DENND1A: variants seen among roughly 807,000 people sequenced by gnomAD.
DENND1A encodes DENN domain containing 1A.
DENND1A carries 51 observed loss-of-function variants against 113.7 expected under a neutral mutation model. The observed-to-expected ratio is 0.45, with a 90% CI of 0.36 to 0.57. The LOEUF (loss-of-function observed/expected upper bound fraction) is 0.57, where lower values mean the gene tolerates loss of function less well. DENND1A is among the 20% of genes least tolerant of loss of function. The probability of loss-of-function intolerance (pLI) is 0.00; values close to 1 mark genes in which losing one functional copy is unlikely to be tolerated. For synonymous variants in DENND1A, 565 were observed against 570.8 expected (o/e 0.99, Z 0.14); for missense variants, 1,258 against 1,395.9 (o/e 0.90, Z 1.57).
chr9:123,757,952 C>T, intron 4 of DENND1A, 130 bp from the exon 5 acceptor site: 2 of 597,224 alleles, frequency 3.3e-6, no homozygotes, highest in Non-Finnish European at 4.8e-6. Flanking sequence ...TTACACATTT[C>T]AAGGGAACAG....
At chr9:123,610,302 C>T (rs917833239) in intron 10 of DENND1A, among the ~76,000 whole-genome samples, 6 of 152,180 alleles carry the variant, frequency 3.9e-5, no homozygotes, top group South Asian at 4.1e-4. Context: ...ATATGAGGAA[C>T]TTTAAATTCA....
At chr9:123,544,595 TAAA>T (rs977263400) in intron 13 of DENND1A, among the ~76,000 whole-genome samples, 16 of 152,170 alleles carry the variant, frequency 1.1e-4, no homozygotes, top group Admixed American at 7.2e-4. Flanking sequence ...TGCCACTTCT[TAAA>T]AAGTGACAAT....
At chr9:123,608,938 A>G (rs1176128762) in intron 11 of DENND1A, among the ~76,000 whole-genome samples, 1 of 152,256 alleles carries the variant, frequency 6.6e-6, no homozygotes, top group Admixed American at 6.5e-5. Flanking sequence ...TATCAATTAT[A>G]CATATTTATA....
intron 12 of DENND1A, among the ~76,000 whole-genome samples, chr9:123,573,178 C>T (rs2058451154): frequency 6.6e-6 from 1 of 152,104 alleles, no homozygotes; most frequent in Non-Finnish European, 1.5e-5. Context: ...GTCTTGATTA[C>T]TGTAACTTTA....
chr9:123,496,458 G>A (rs1485313189), intron 13 of DENND1A, among the ~76,000 whole-genome samples: 1 of 152,136 alleles, frequency 6.6e-6, no homozygotes, highest in African/African-American at 2.4e-5. Flanking sequence ...AAGACAGACA[G>A]GTCTTCATTT....
At chr9:123,875,371 T>C (rs1847295366) in intron 2 of DENND1A, among the ~76,000 whole-genome samples, 1 of 152,178 alleles carries the variant, frequency 6.6e-6, no homozygotes. Context: ...AGACCATACA[T>C]CTGAATATTT....
chr9:123,851,358 T>A (rs1843333678), intron 2 of DENND1A, among the ~76,000 whole-genome samples: 1 of 152,230 alleles, frequency 6.6e-6, no homozygotes, highest in South Asian at 2.1e-4. Context: ...AATATAGCAA[T>A]ACCTTGTTCC....
intron 11 of DENND1A, 70 bp from the exon 12 acceptor site, chr9:123,583,340 T>C: frequency 8.7e-7 from 1 of 1,150,650 alleles, no homozygotes; most frequent in Admixed American, 1.9e-5. Context: ...CCCTGCCTTC[T>C]CTGGGGAAGA....
At chr9:123,418,408 T>C (rs142304826) in intron 19 of DENND1A, among the ~76,000 whole-genome samples, 1 of 152,364 alleles carries the variant, frequency 6.6e-6, no homozygotes, top group Non-Finnish European at 1.5e-5. Context: ...CCGGCATTTA[T>C]GAGGACAGCA....
At chr9:123,727,194 G>A (rs2067771778) in intron 5 of DENND1A, among the ~76,000 whole-genome samples, 2 of 152,282 alleles carry the variant, frequency 1.3e-5, no homozygotes, top group South Asian at 4.2e-4. Context: ...GAGAGTACCA[G>A]CTGCTCTTCT....
chr9:123,440,329 A>G (rs749626801), intron 19 of DENND1A, 31 bp downstream of exon 19: 2 of 1,573,960 alleles, frequency 1.3e-6, no homozygotes, highest in Admixed American at 3.9e-5. Flanking sequence ...AAAAAAACAA[A>G]ACAGACAGGT....
At chr9:123,789,135 A>G (rs1167748116) in intron 3 of DENND1A, among the ~76,000 whole-genome samples, 2 of 151,782 alleles carry the variant, frequency 1.3e-5, no homozygotes, top group Non-Finnish European at 2.9e-5. Context: ...CTGTATTTCC[A>G]GGTTTAAAGA....
rs1336756601 is a variant in DENND1A, at chr9:123,654,863, C to T, written c.508-2740G>A. The stretch of plus-strand genomic sequence containing the variant: ...AACAGCCCTGGGAACCTCGCTCAGC[C>T]GTGGGAGCACCTGTGGGGCAGAGCG... On this transcript the variant is annotated intron_variant, in intron 8 of 23. Transcript: ENST00000394215. Among the ~76,000 whole-genome samples the T allele has an allele frequency of 9.2e-5, 14 of 152,270 alleles. No individual in the cohort carries two copies. In the East Asian group the frequency reaches 1.7e-3, roughly 19 times the overall value.
intron 2 of DENND1A, among the ~76,000 whole-genome samples, chr9:123,832,104 A>T (rs1564357427): frequency 6.6e-6 from 1 of 152,238 alleles, no homozygotes; most frequent in Non-Finnish European, 1.5e-5. Context: ...ATATAAAATT[A>T]TGATGTCAAT....
intron 6 of DENND1A, among the ~76,000 whole-genome samples, chr9:123,672,010 A>T (rs977540939): frequency 2.0e-5 from 3 of 152,204 alleles, no homozygotes; most frequent in Non-Finnish European, 4.4e-5. Flanking sequence ...TATTTCTCCC[A>T]CCATGTGGAA....
At chr9:123,914,166 A>G (rs1854613273) in intron 1 of DENND1A, among the ~76,000 whole-genome samples, 1 of 152,038 alleles carries the variant, frequency 6.6e-6, no homozygotes, top group Admixed American at 6.6e-5. Context: ...GAAGACCATC[A>G]AGGCCTTTGT....
chr9:123,700,651 A>G (rs954132569), intron 5 of DENND1A, among the ~76,000 whole-genome samples: 5 of 152,216 alleles, frequency 3.3e-5, no homozygotes, highest in Non-Finnish European at 7.3e-5. Flanking sequence ...GAGGACCACC[A>G]ACATTATGGA....
At chr9:123,861,457 T>C (rs984766806) in intron 2 of DENND1A, among the ~76,000 whole-genome samples, 4 of 152,196 alleles carry the variant, frequency 2.6e-5, no homozygotes, top group African/African-American at 9.7e-5. Flanking sequence ...TTCCCCTTTT[T>C]CTGTAAAGCT....
At chr9:123,490,811 ACTG>A (rs1450954353) in intron 13 of DENND1A, among the ~76,000 whole-genome samples, 2 of 152,266 alleles carry the variant, frequency 1.3e-5, no homozygotes, top group Admixed American at 1.3e-4. Context: ...GCCACAGGAA[ACTG>A]CTGTGTATTC....
Sources: allele counts gnomAD v4.1 joint callset (sites outside exome capture counted in the v4.1 genomes callset), GRCh38; gene constraint gnomAD v4.1.1; transcripts MANE v1.5; gene names NCBI Gene and HGNC (gene_info 2026-07-23, HGNC 2026-07-21).